PRKCA: variants seen among roughly 807,000 people sequenced by gnomAD.
The protein encoded by PRKCA is protein kinase C alpha, also known as protein kinase C alpha type.
PRKCA carries 27 observed loss-of-function variants against 87.0 expected under a neutral mutation model. The ratio of observed to expected loss-of-function variants is 0.31; its 90% confidence interval spans 0.23 to 0.43. The LOEUF (loss-of-function observed/expected upper bound fraction) is 0.43, where lower values mean the gene tolerates loss of function less well. Among genes scored for constraint, PRKCA ranks in the 20% least tolerant of loss-of-function variants. PRKCA has a pLI of 1.00. For synonymous variants in PRKCA, 329 were observed against 311.1 expected (o/e 1.06, Z -0.61); for missense variants, 518 against 852.3 (o/e 0.61, Z 4.88).
chr17:66,457,522 G>A (rs1364477509), intron 2 of PRKCA, among the ~76,000 whole-genome samples: 1 of 152,114 alleles, frequency 6.6e-6, no homozygotes, highest in African/African-American at 2.4e-5. Flanking sequence ...CATTGAGATG[G>A]TTTGGCTGTG....
At position 66,588,090 on chromosome 17, in the gene PRKCA, A is replaced by G. The variant is rs556979897; in HGVS notation, c.289-53265A>G. On this transcript the variant is annotated intron_variant, in intron 3 of 16. Coordinates refer to ENST00000413366, the MANE Select transcript of PRKCA (RefSeq NM_002737.3). ...CTGAACCAATTTACATTCCACCAGC[A>G]GTGTTGGAGGATTCTACTTCCTCAA... Among the ~76,000 whole-genome samples the G allele has an allele frequency of 6.6e-5, 10 of 152,078 alleles. No individual in the cohort carries two copies. The East Asian group carries it at 1.9e-3, about 29-fold the overall frequency.
chr17:66,766,287 C>T (rs1393489893), intron 13 of PRKCA, among the ~76,000 whole-genome samples: 2 of 152,142 alleles, frequency 1.3e-5, no homozygotes, highest in Non-Finnish European at 2.9e-5. Flanking sequence ...GAACTTAAAG[C>T]AAAACCAATC....
At chr17:66,344,841 C>T (rs1435473818) in intron 2 of PRKCA, among the ~76,000 whole-genome samples, 3 of 152,220 alleles carry the variant, frequency 2.0e-5, no homozygotes, top group Non-Finnish European at 4.4e-5. Context: ...TCTCGGCTCA[C>T]TGCAACTTCC....
chr17:66,562,732 G>T lies in PRKCA; in HGVS notation c.288+66449G>T, dbSNP rs1968755622. On this transcript the variant is annotated intron_variant, in intron 3 of 16. Coordinates refer to ENST00000413366, the MANE Select transcript of PRKCA (RefSeq NM_002737.3). ...CTGCCTCAGCCTTCTGAGTAGCTGGGATTACAGGTGCGCGCCACCACGCCC... is the reference window on the plus strand; with the variant it reads ...CTGCCTCAGCCTTCTGAGTAGCTGGTATTACAGGTGCGCGCCACCACGCCC... Among the ~76,000 whole-genome samples, 4 of 152,030 alleles carry T rather than the reference G, an allele frequency of 2.6e-5. No homozygotes were observed. In the South Asian group the frequency reaches 8.3e-4, roughly 32 times the overall value.
At chr17:66,722,158 G>A (rs1598897265) in intron 8 of PRKCA, among the ~76,000 whole-genome samples, 1 of 152,142 alleles carries the variant, frequency 6.6e-6, no homozygotes, top group East Asian at 1.9e-4. Flanking sequence ...TTTATGGTCT[G>A]TCTGATTTTC....
At chr17:66,407,124 G>A (rs943839739) in intron 2 of PRKCA, among the ~76,000 whole-genome samples, 10 of 152,010 alleles carry the variant, frequency 6.6e-5, no homozygotes, top group Admixed American at 6.5e-4. Context: ...GTAAATTTGT[G>A]AATTGTAGTG....
chr17:66,735,007 A>G (rs531670794), intron 9 of PRKCA, among the ~76,000 whole-genome samples: 2 of 152,352 alleles, frequency 1.3e-5, no homozygotes, highest in South Asian at 2.1e-4. Flanking sequence ...AGCAAATACA[A>G]TCATTAAGAG....
intron 3 of PRKCA, among the ~76,000 whole-genome samples, chr17:66,514,467 G>A (rs765859279): frequency 1.3e-5 from 2 of 152,102 alleles, no homozygotes; most frequent in Non-Finnish European, 2.9e-5. Context: ...GGATTCAAAC[G>A]TGAGTAATAG....
At chr17:66,486,244 C>T (rs192277360) in intron 2 of PRKCA, among the ~76,000 whole-genome samples, 40 of 152,304 alleles carry the variant, frequency 2.6e-4, no homozygotes, top group African/African-American at 9.6e-4. Flanking sequence ...TTTAATGCTA[C>T]AGGTACTCAA....
intron 2 of PRKCA, among the ~76,000 whole-genome samples, chr17:66,369,736 C>G (rs747105572): frequency 5.1e-4 from 77 of 152,308 alleles, no homozygotes; most frequent in Non-Finnish European, 9.7e-4. Flanking sequence ...TGATGGCCCA[C>G]TGAGTGCTGG....
intron 16 of PRKCA, among the ~76,000 whole-genome samples, chr17:66,790,376 G>A (rs1056834549): frequency 1.3e-5 from 2 of 152,064 alleles, no homozygotes; most frequent in Non-Finnish European, 1.5e-5. Flanking sequence ...TGACACCCCC[G>A]CCTTTTCTTT....
intron 5 of PRKCA, 90 bp from the exon 6 acceptor site, chr17:66,687,019 GTC>G: frequency 1.7e-6 from 2 of 1,162,598 alleles, no homozygotes; most frequent in South Asian, 1.6e-5. Context: ...CCATTCTGAC[GTC>G]TCTTTTATTC....
intron 13 of PRKCA, among the ~76,000 whole-genome samples, chr17:66,767,606 G>A (rs1974840026): frequency 6.6e-6 from 1 of 152,136 alleles, no homozygotes; most frequent in South Asian, 2.1e-4. Context: ...AAATCTCAGT[G>A]GCTTAACACA....
chr17:66,615,549 T>A (rs1376077908), intron 3 of PRKCA, among the ~76,000 whole-genome samples: 1 of 152,172 alleles, frequency 6.6e-6, no homozygotes, highest in African/African-American at 2.4e-5. Context: ...TGTCTATCCT[T>A]CAAGCCTGAG....
chr17:66,664,129 A>G (rs1971979154), intron 5 of PRKCA, among the ~76,000 whole-genome samples: 1 of 152,056 alleles, frequency 6.6e-6, no homozygotes, highest in African/African-American at 2.4e-5. Context: ...CGGGCTCCCA[A>G]AGTGCCGGGT....
At chr17:66,567,535 C>T (rs1187525694) in intron 3 of PRKCA, among the ~76,000 whole-genome samples, 1 of 152,230 alleles carries the variant, frequency 6.6e-6, no homozygotes, top group African/African-American at 2.4e-5. Flanking sequence ...TGCCTGAATT[C>T]CCAGTGGGAA....
intron 5 of PRKCA, among the ~76,000 whole-genome samples, chr17:66,665,622 C>A (rs1234661129): frequency 1.3e-5 from 2 of 152,108 alleles, no homozygotes; most frequent in African/African-American, 4.8e-5. Flanking sequence ...GGGTAGAGTA[C>A]TTCCCCACCC....
In PRKCA at chr17:66,810,454, C is replaced by T. The variant is rs756897373; in HGVS notation, c.*6417C>T. 4.6e-5 allele frequency: 7 copies of T among 152,178 alleles called. No homozygotes were observed. The highest frequency in any genetic ancestry group is 1.2e-4 in the African/African-American group (5 of 41,444). 9.4% of individuals were successfully genotyped at this position (152,178 alleles called of 1,614,324 possible). ...ATTTGTGTGTGTGAAGGACATACCA[C>T]GTTTAAATCATTAATTGAAAAACAT... On this transcript the variant is annotated 3_prime_UTR_variant, in exon 17 of 17. Coordinates refer to ENST00000413366, the MANE Select transcript of PRKCA (RefSeq NM_002737.3).
intron 3 of PRKCA, among the ~76,000 whole-genome samples, chr17:66,632,114 C>G (rs1971031804): frequency 6.6e-6 from 1 of 152,160 alleles, no homozygotes; most frequent in African/African-American, 2.4e-5. Context: ...CTCCAGCATG[C>G]TAGGCTTTTC....
Sources: allele counts gnomAD v4.1 joint callset (sites outside exome capture counted in the v4.1 genomes callset), GRCh38; gene constraint gnomAD v4.1.1; transcripts MANE v1.5; gene names NCBI Gene and HGNC (gene_info 2026-07-23, HGNC 2026-07-21).